CT55: variants seen among roughly 807,000 people sequenced by gnomAD.
CT55 encodes the protein BRCA2-interacting protein.
Under a neutral mutation model 12.6 loss-of-function variants are expected in CT55, and 1 was observed. The observed-to-expected ratio is 0.08, with a 90% confidence interval of 0.03 to 0.38. CT55 has a LOEUF of 0.38. Ranked by LOEUF, CT55 falls within the 10% of genes least tolerant of loss-of-function variation. CT55 has a pLI of 0.99. For synonymous variants in CT55, 43 were observed against 49.7 expected (o/e 0.87, Z 0.57); for missense variants, 109 against 135.4 (o/e 0.80, Z 0.97).
chrX:135,168,596 GGGGGAGCAC>G (rs1195552271), intron 2 of CT55, among the ~76,000 whole-genome samples: 1 of 111,367 alleles, frequency 9.0e-6, no homozygotes, highest in Non-Finnish European at 1.9e-5. Context: ...GGGGACAGTT[GGGGGAGCAC>G]GAAGAGCTTC....
chrX:135,160,711 G>A (rs1254350921), intron 2 of CT55, among the ~76,000 whole-genome samples, 156 bp from the exon 3 acceptor site: 1 of 112,200 alleles, frequency 8.9e-6, no homozygotes, highest in African/African-American at 3.2e-5. Flanking sequence ...GACTTGAGAT[G>A]ACAGTAAAAG....
chrX:135,162,339 C>T (rs782815779), intron 2 of CT55, among the ~76,000 whole-genome samples: 26 of 112,056 alleles, frequency 2.3e-4, no homozygotes, highest in Non-Finnish European at 3.9e-4. Flanking sequence ...AACCCAGAAG[C>T]CACATGGACA....
chrX:135,171,055 C>T (rs782175751), intron 1 of CT55, 23 bp downstream of exon 1: 8 of 1,208,227 alleles, frequency 6.6e-6, no homozygotes, highest in South Asian at 1.8e-5. Context: ...GGGTGGGGGA[C>T]AAGGGGACAC....
rs1415611451 is a variant in CT55, at chrX:135,160,304, T to A, written c.424+107A>T. The A allele has an allele frequency of 4.9e-6, 4 of 811,321 alleles. No homozygotes were observed. The South Asian group carries it at 8.5e-5, about 17-fold the overall frequency. The allele number at this position is 811,321 out of a possible 1,213,427, so 66.9% of individuals were successfully genotyped here. A position where few individuals can be genotyped will look rare whatever the true frequency, so the allele number is the denominator to read the frequency against. On this transcript the variant is annotated intron_variant, in intron 3 of 5. Transcript: ENST00000276241. ...GATTGGAACAGTCTACCTCTAACAC[T>A]GAAGAGCCATTGACTGAAGCCAAGT...
intron 1 of CT55, among the ~76,000 whole-genome samples, chrX:135,170,331 C>T (rs2083605574): frequency 8.9e-6 from 1 of 112,501 alleles, no homozygotes; most frequent in Admixed American, 9.4e-5. Context: ...GACACATGCA[C>T]ATCAACTGTC....
chrX:135,158,258 C>T lies in CT55; in HGVS notation c.478G>A (p.Gly160Ser), dbSNP rs782274660. 1 of 1,209,445 alleles carries T rather than the reference C, an allele frequency of 8.3e-7. No homozygotes were observed. The highest frequency in any genetic ancestry group is 2.2e-5 in the Admixed American group (1 of 46,052). The change falls in exon 4 of 6, where the codon GGC (glycine) becomes AGC (serine). Residue 160 changes from glycine (G) to serine (S), a missense_variant. Coordinates refer to ENST00000276241, the MANE Select transcript of CT55 (RefSeq NM_001031705.3). ...GAAGTTGCCTTGATGTTTGAGATGC[C>T]TGGCTCAGTGGAATATTCAACTTCT... is the stretch of plus-strand genomic sequence containing the variant. The part of the protein sequence containing the change: ...LLEVEYSTEP[G>S]ISNIKATSVK...
At chrX:135,168,810 A>G (rs1235559685) in intron 2 of CT55, among the ~76,000 whole-genome samples, 1 of 112,173 alleles carries the variant, frequency 8.9e-6, no homozygotes, top group Non-Finnish European at 1.9e-5. Context: ...AAATACTACA[A>G]GGGCTTCATA....
Position 135,159,941 on chromosome X carries a change from C to G in CT55, c.424+470G>C, listed in dbSNP as rs2083555477. On this transcript the variant is annotated intron_variant, in intron 3 of 5. Coordinates refer to ENST00000276241, the MANE Select transcript of CT55 (RefSeq NM_001031705.3). ...TTCAACAACAACACACACACACACA[C>G]ACACACACACAAACAGACAACCACA... 4.5e-5 allele frequency among the ~76,000 whole-genome samples: 5 copies of G among 111,313 alleles called. No individual in the cohort carries two copies. The South Asian group carries it at 1.9e-3, about 42-fold the overall frequency.
chrX:135,170,298 C>T (rs782667745), intron 1 of CT55, among the ~76,000 whole-genome samples: 2 of 112,554 alleles, frequency 1.8e-5, no homozygotes, highest in African/African-American at 6.5e-5. Flanking sequence ...TGAGCCACCG[C>T]GCCCAGCTTA....
chrX:135,167,937 A>T lies in CT55; in HGVS notation c.279+1657T>A, dbSNP rs782256087. On this transcript the variant is annotated intron_variant, in intron 2 of 5. Transcript: ENST00000276241. The stretch of plus-strand genomic sequence containing the variant: ...GAATGGCTAACATTAAAAAGACAAG[A>T]TATAACAAGTGTTGGCAAGGATGTG... Among the ~76,000 whole-genome samples the T allele has an allele frequency of 1.1e-3, 119 of 111,398 alleles. 1 individual carries two copies. Among genetic ancestry groups the T allele is most frequent in the African/African-American group, 3.8e-3 (117 of 30,669 alleles).
At position 135,164,428 on chromosome X, in the gene CT55, C is replaced by T. The variant is rs1238799418; in HGVS notation, c.280-3873G>A. Among the ~76,000 whole-genome samples, 21 of 111,349 alleles carry T rather than the reference C, an allele frequency of 1.9e-4. 1 individual carries two copies. Among genetic ancestry groups the T allele is most frequent in the Admixed American group, 1.8e-3 (19 of 10,500 alleles). ...AGAAAAACATCCTGTAATAGACACA[C>T]TAAAACAAATACAAACAAAACCACA... On this transcript the variant is annotated intron_variant, in intron 2 of 5. Transcript: ENST00000276241.
At chrX:135,169,854 C>T in intron 1 of CT55, 76 bp from the exon 2 acceptor site, 1 of 722,231 alleles carries the variant, frequency 1.4e-6, no homozygotes, top group Non-Finnish European at 2.0e-6. Context: ...TTACACTCAC[C>T]ATCTGCATAA....
At chrX:135,168,597 G>A (rs2083596148) in intron 2 of CT55, among the ~76,000 whole-genome samples, 1 of 111,344 alleles carries the variant, frequency 9.0e-6, no homozygotes, top group Admixed American at 9.5e-5. Context: ...GGGACAGTTG[G>A]GGGAGCACGA....
intron 1 of CT55, among the ~76,000 whole-genome samples, chrX:135,170,385 G>C (rs2083605812): frequency 8.9e-6 from 1 of 111,945 alleles, no homozygotes; most frequent in African/African-American, 3.3e-5. Context: ...AATGTTACCT[G>C]TTAGCATTTC....
intron 3 of CT55, among the ~76,000 whole-genome samples, chrX:135,159,524 C>G (rs189448214): frequency 1.8e-5 from 2 of 111,560 alleles, no homozygotes; most frequent in East Asian, 5.6e-4. Context: ...CAACAAAGAT[C>G]TAATCCATTA....
In CT55 at chrX:135,165,992, T is replaced by C. The variant is rs1347606263; in HGVS notation, c.279+3602A>G. Among the ~76,000 whole-genome samples the C allele has an allele frequency of 2.4e-5, 2 of 83,760 alleles. 1 individual carries two copies. The highest frequency in any genetic ancestry group is 3.2e-4 in the Admixed American group (2 of 6,261). 72.7% of individuals were successfully genotyped at this position (83,760 alleles called of 115,157 possible). A position where few individuals can be genotyped will look rare whatever the true frequency, so the allele number is the denominator to read the frequency against. ...TCCCTTCCTAATACTACCAAATTTA[T>C]ATATAAAGAAGAATAATTAATAGCT... On this transcript the variant is annotated intron_variant, in intron 2 of 5. Coordinates refer to ENST00000276241, the MANE Select transcript of CT55 (RefSeq NM_001031705.3).
intron 3 of CT55, 83 bp downstream of exon 3, chrX:135,160,328 G>A: frequency 2.0e-6 from 2 of 1,025,540 alleles, no homozygotes; most frequent in Non-Finnish European, 2.6e-6. Context: ...CTGAAGCCAA[G>A]TACACTGTAA....
At chrX:135,170,453 A>G (rs2083606071) in intron 1 of CT55, among the ~76,000 whole-genome samples, 1 of 112,334 alleles carries the variant, frequency 8.9e-6, no homozygotes, top group East Asian at 2.8e-4. Flanking sequence ...TATCACCAAC[A>G]TGATGAGTAG....
intron 3 of CT55, among the ~76,000 whole-genome samples, chrX:135,159,973 T>C (rs2083555745): frequency 1.8e-5 from 2 of 111,112 alleles, no homozygotes; most frequent in Non-Finnish European, 3.8e-5. Flanking sequence ...CACAAGGCGC[T>C]ATCTCCAATC....
Sources: allele counts gnomAD v4.1 joint callset (sites outside exome capture counted in the v4.1 genomes callset), GRCh38; gene constraint gnomAD v4.1.1; transcripts MANE v1.5; gene names NCBI Gene and HGNC (gene_info 2026-07-23, HGNC 2026-07-21).